HMCN2: variants seen among roughly 807,000 people sequenced by gnomAD.
HMCN2 encodes hemicentin 2, also known as hemicentin-2.
In HMCN2, 325 loss-of-function variants were observed where a neutral mutation model predicts 377.5. The observed-to-expected ratio is 0.86, with a 90% CI of 0.79 to 0.94. HMCN2 has a LOEUF of 0.94. HMCN2 is among the 40% of genes least tolerant of loss of function. The pLI is 0.00. For missense variants in HMCN2, 4,543 were observed against 4,725.3 expected (o/e 0.96, Z 1.13); for synonymous variants, 2,007 against 2,046.8 (o/e 0.98, Z 0.53).
In HMCN2 at chr9:130,393,127, G is replaced by A. The variant is rs1842422835; in HGVS notation, c.10137-85G>A. Reference sequence around the variant, plus strand: ...GGGAGGAAGTCTTTCCACGCAGCCAGCCTCTCCTGTCTCTCTCCCTTTCTC... The same window carrying A: ...GGGAGGAAGTCTTTCCACGCAGCCAACCTCTCCTGTCTCTCTCCCTTTCTC... On this transcript the variant is annotated intron_variant, in intron 66 of 97. Coordinates refer to ENST00000683500, the MANE Select transcript of HMCN2 (RefSeq NM_001291815.2). The surrounding 1 kb of genome is among the most constrained non-coding windows in gnomAD (Gnocchi z 5.2). The A allele has an allele frequency of 4.6e-6, 4 of 866,978 alleles. No homozygotes were observed. The highest frequency in any genetic ancestry group is 1.1e-4 in the South Asian group (2 of 18,962). The allele number at this position is 866,978 out of a possible 1,614,324, so 53.7% of individuals were successfully genotyped here.
chr9:130,356,144 A>G lies in HMCN2; in HGVS notation c.5312A>G (p.Gln1771Arg). Residue 1771 changes from glutamine to arginine, a missense_variant, in exon 34 of 98, where the codon CAG becomes CGG. Physicochemically the swap from Gln to Arg is conservative, Grantham distance 43. Coordinates refer to ENST00000683500, the MANE Select transcript of HMCN2 (RefSeq NM_001291815.2). Reference sequence around the variant, plus strand: ...CTGGCTGGGGTGCAGGTGGCCTCGCAGGGGACCACACTGCACATTGACCAT... The same window carrying G: ...CTGGCTGGGGTGCAGGTGGCCTCGCGGGGGACCACACTGCACATTGACCAT... ...EELAGVQVAS[Q>R]GTTLHIDHVE... 1 of 1,302,006 alleles carries G rather than the reference A, an allele frequency of 7.7e-7. No homozygotes were observed. The allele number at this position is 1,302,006 out of a possible 1,614,324, so 80.7% of individuals were successfully genotyped here. A position where few individuals can be genotyped will look rare whatever the true frequency, so the allele number is the denominator to read the frequency against.
rs201897744 is a variant in HMCN2 at position 130,281,229 on chromosome 9, TC to T, written c.260-3372del. Among the ~76,000 whole-genome samples, 957 of 152,236 alleles carry T rather than the reference TC, an allele frequency of 6.3e-3. 15 individuals are homozygous for T. Among genetic ancestry groups the T allele is most frequent in the Non-Finnish European group, 5.0e-3 (337 of 68,006 alleles). ...AAGAAGAGCTCTGTTCTTGAGGTCA[TC>T]CGGACCTGGGCTCATATCCCAGCAC... On this transcript the variant is annotated intron_variant, in intron 1 of 97. Coordinates refer to ENST00000683500, the MANE Select transcript of HMCN2 (RefSeq NM_001291815.2).
chr9:130,385,549 C>A lies in HMCN2; in HGVS notation c.9107-11C>A, dbSNP rs1841975534. The A allele has an allele frequency of 1.5e-6, 2 of 1,303,094 alleles. No individual in the cohort carries two copies. The highest frequency in any genetic ancestry group is 2.1e-4 in the Middle Eastern group (1 of 4,716). The allele number at this position is 1,303,094 out of a possible 1,614,324, so 80.7% of individuals were successfully genotyped here. On this transcript the variant is annotated splice_polypyrimidine_tract_variant and intron_variant, in intron 59 of 97. Coordinates refer to ENST00000683500, the MANE Select transcript of HMCN2 (RefSeq NM_001291815.2). ...GCTGCAGCACCTCACTCTGCTATCT[C>A]CTGCCCCCAGTTCCCCCGGCCTTCA...
At chr9:130,371,341 A>G (rs1841007324) in intron 46 of HMCN2, among the ~76,000 whole-genome samples, 1 of 151,706 alleles carries the variant, frequency 6.6e-6, no homozygotes, top group South Asian at 2.1e-4. Context: ...AAATTTGGAA[A>G]AGGCTTCCTG....
rs1274976877 is a variant in HMCN2 at position 130,385,562 on chromosome 9, C to A, written c.9109C>A (p.Pro3037Thr). 7.7e-7 allele frequency: 1 copy of A among 1,303,534 alleles called. No homozygotes were observed. The highest frequency in any genetic ancestry group is 1.0e-6 in the Non-Finnish European group (1 of 988,480). 80.7% of individuals were successfully genotyped at this position (1,303,534 alleles called of 1,614,324 possible). Residue 3037 changes from proline to threonine, a missense_variant and splice_region_variant, in exon 60 of 98, where the codon CCC (proline) becomes ACC (threonine). Pro to Thr is a conservative substitution (Grantham distance 38, BLOSUM62 -1). Around this residue, in one of 5 missense-constraint regions of HMCN2, gnomAD observed 736 missense variants for 773.2 expected, o/e 0.95. Transcript: ENST00000683500. ...ACTCTGCTATCTCCTGCCCCCAGTTCCCCCGGCCTTCAGGCAGGCTCCCAG... is the reference window on the plus strand; with the variant it reads ...ACTCTGCTATCTCCTGCCCCCAGTTACCCCGGCCTTCAGGCAGGCTCCCAG... ...QKLVQLSVLV[P>T]PAFRQAPRGP...
intron 19 of HMCN2, among the ~76,000 whole-genome samples, chr9:130,322,229 C>T (rs1837888699): frequency 1.3e-5 from 2 of 152,100 alleles, no homozygotes; most frequent in African/African-American, 4.8e-5. Context: ...ACTATGTATA[C>T]ATAGAATATA....
chr9:130,346,947 A>T (rs1313876288), intron 25 of HMCN2, among the ~76,000 whole-genome samples: 2 of 151,982 alleles, frequency 1.3e-5, no homozygotes, highest in Non-Finnish European at 2.9e-5. Context: ...CAGGGACCCT[A>T]GGAGGCTGTA....
chr9:130,402,802 C>T lies in HMCN2; in HGVS notation c.11784C>T (p.Ile3928=), dbSNP rs903028403. 1.6e-5 allele frequency: 21 copies of T among 1,289,662 alleles called. No individual in the cohort carries two copies. Among genetic ancestry groups the T allele is most frequent in the South Asian group, 9.9e-5 (8 of 81,014 alleles). The allele number at this position is 1,289,662 out of a possible 1,614,324, so 79.9% of individuals were successfully genotyped here. A position where few individuals can be genotyped will look rare whatever the true frequency, so the allele number is the denominator to read the frequency against. ...TCCCACCAACAGGCGCCCTGGAGATCGGGCAGGCCCTCCCCATCCACGCAG... is the reference window on the plus strand; with the variant it reads ...TCCCACCAACAGGCGCCCTGGAGATTGGGCAGGCCCTCCCCATCCACGCAG... The part of the protein sequence containing the change: ...YRVSPSGALE[I]GQALPIHAGR... Residue 3928 remains isoleucine, a synonymous_variant, in exon 78 of 98, where the codon ATC becomes ATT. Coordinates refer to ENST00000683500, the MANE Select transcript of HMCN2 (RefSeq NM_001291815.2).
chr9:130,333,802 C>T (rs1237279199), intron 22 of HMCN2, among the ~76,000 whole-genome samples: 2 of 152,184 alleles, frequency 1.3e-5, no homozygotes, highest in Non-Finnish European at 2.9e-5. Context: ...AACCCCAGGC[C>T]CATAGCTGCA....
At chr9:130,319,124 C>A (rs1376722208) in intron 15 of HMCN2, among the ~76,000 whole-genome samples, 1 of 152,142 alleles carries the variant, frequency 6.6e-6, no homozygotes, top group East Asian at 1.9e-4. Context: ...AATGAAGGCT[C>A]ACCCTCAGCT....
intron 93 of HMCN2, 147 bp from the exon 94 acceptor site, chr9:130,429,410 C>A: frequency 2.1e-6 from 2 of 932,708 alleles, no homozygotes; most frequent in Non-Finnish European, 3.2e-6. Flanking sequence ...GGGGGAGGTG[C>A]TGTGAGGGCG....
rs747652080 is a variant in HMCN2 at position 130,406,156 on chromosome 9, C to T, written c.12541C>T (p.Arg4181Trp). 2.4e-5 allele frequency: 31 copies of T among 1,289,726 alleles called. No homozygotes were observed. The highest frequency in any genetic ancestry group is 1.7e-4 in the African/African-American group (11 of 65,862). 79.9% of individuals were successfully genotyped at this position (1,289,726 alleles called of 1,614,324 possible). A position where few individuals can be genotyped will look rare whatever the true frequency, so the allele number is the denominator to read the frequency against. ...TPRIGWTVND[R>W]PVTEGVSEQD... ...TCGCATTGGCTGGACTGTCAACGAC[C>T]GGCCAGTCACAGGTCTGGGTCTGCT... Residue 4181 changes from arginine (R) to tryptophan (W), a missense_variant, in exon 82 of 98, where the codon CGG becomes TGG. Arg to Trp is a moderately radical substitution (Grantham distance 101, BLOSUM62 -3). Coordinates refer to ENST00000683500, the MANE Select transcript of HMCN2 (RefSeq NM_001291815.2).
intron 43 of HMCN2, among the ~76,000 whole-genome samples, chr9:130,367,939 C>T (rs937268040): frequency 1.3e-5 from 1 of 75,786 alleles, no homozygotes; most frequent in Non-Finnish European, 2.7e-5. Context: ...GAGACTCTGT[C>T]TCAAAAAAAA....
rs747775514 is a variant in HMCN2 at position 130,431,572 on chromosome 9, C to G, written c.14767+86C>G. 2.3e-5 allele frequency: 34 copies of G among 1,487,828 alleles called. No homozygotes were observed. In the East Asian group the frequency reaches 6.9e-4, roughly 30 times the overall value. The allele number at this position is 1,487,828 out of a possible 1,614,324, so 92.2% of individuals were successfully genotyped here. ...GGGACATGTGGCATCTTACCTACTCCGTTCACTCCAGCCCCTTCACAACTA... is the reference window on the plus strand; with the variant it reads ...GGGACATGTGGCATCTTACCTACTCGGTTCACTCCAGCCCCTTCACAACTA... On this transcript the variant is annotated intron_variant, in intron 96 of 97. Coordinates refer to ENST00000683500, the MANE Select transcript of HMCN2 (RefSeq NM_001291815.2).
rs371368356 is a variant in HMCN2, at chr9:130,392,779, A to G, written c.10137-433A>G. On this transcript the variant is annotated intron_variant, in intron 66 of 97. Coordinates refer to ENST00000683500, the MANE Select transcript of HMCN2 (RefSeq NM_001291815.2). ...TGGGAGGCCAAGGCGGGCAGATTAC[A>G]AGGTCAGGAGATCAAGACCATCCTG... Among the ~76,000 whole-genome samples, 186 of 152,006 alleles carry G rather than the reference A, an allele frequency of 1.2e-3. 1 individual carries two copies. Among genetic ancestry groups the G allele is most frequent in the African/African-American group, 1.4e-3 (58 of 41,482 alleles).
rs956119314 is a variant in HMCN2 at position 130,433,765 on chromosome 9, C to T, written c.*72C>T. ...GGGTCGAGGAGAAGCTTGGTCCACG[C>T]CACCTGCTGTGGCAAGCGGAGCGTC... On this transcript the variant is annotated 3_prime_UTR_variant, in exon 98 of 98. Coordinates refer to ENST00000683500, the MANE Select transcript of HMCN2 (RefSeq NM_001291815.2). The T allele has an allele frequency of 8.2e-7, 1 of 1,221,584 alleles. No homozygotes were observed. The allele number at this position is 1,221,584 out of a possible 1,614,324, so 75.7% of individuals were successfully genotyped here.
In HMCN2 at chr9:130,352,907, C is replaced by T. The variant is rs1291139115; in HGVS notation, c.4586-20C>T. 1.5e-5 allele frequency: 19 copies of T among 1,250,014 alleles called. No individual in the cohort carries two copies. Among genetic ancestry groups the T allele is most frequent in the Non-Finnish European group, 1.9e-5 (18 of 960,480 alleles). The allele number at this position is 1,250,014 out of a possible 1,614,324, so 77.4% of individuals were successfully genotyped here. A position where few individuals can be genotyped will look rare whatever the true frequency, so the allele number is the denominator to read the frequency against. On this transcript the variant is annotated intron_variant, in intron 30 of 97. Transcript: ENST00000683500. ...GCCTCAGCGGCTGCCTGTGACCAGC[C>T]CCACCTCTTTCCTTCTCAGCGCCCC...
intron 61 of HMCN2, among the ~76,000 whole-genome samples, chr9:130,386,891 G>A (rs1183624059): frequency 1.3e-5 from 2 of 152,240 alleles, no homozygotes; most frequent in Non-Finnish European, 2.9e-5. Context: ...GCTTAGTAGA[G>A]TGACTTTGTC....
intron 61 of HMCN2, among the ~76,000 whole-genome samples, chr9:130,386,802 AC>A (rs1842048040): frequency 6.6e-6 from 1 of 152,200 alleles, no homozygotes. Context: ...GAGCCACTGC[AC>A]CCAGCTAATT....
Sources: gnomAD v4.1 joint callset for allele counts (sites outside exome capture counted in the v4.1 genomes callset) on GRCh38, gnomAD v4.1.1 for gene constraint, gnomAD v4.1.1 regional missense constraint, Gnocchi (gnomAD v3.1) non-coding constraint, MANE v1.5 for transcripts, NCBI Gene and HGNC (gene_info 2026-07-23, HGNC 2026-07-21) for gene names.